The following PPM1E variants were observed in gnomAD, a reference collection of about 807,000 sequenced individuals.
The protein encoded by PPM1E is protein phosphatase, Mg2+/Mn2+ dependent 1E, also known as protein phosphatase 1E.
PPM1E carries 20 observed loss-of-function variants against 65.9 expected under a neutral mutation model. The ratio of observed to expected loss-of-function variants is 0.30; its 90% CI spans 0.21 to 0.44. The LOEUF (loss-of-function observed/expected upper bound fraction) is 0.44, where lower values mean the gene tolerates loss of function less well. Among genes scored for constraint, PPM1E ranks in the 20% least tolerant of loss-of-function variants. PPM1E has a pLI of 1.00. For synonymous variants in PPM1E, 352 were observed against 374.9 expected, an observed-to-expected ratio of 0.94 and a Z score of 0.70; for missense variants, 713 against 953.1, an observed-to-expected ratio of 0.75 and a Z score of 3.32.
At chr17:58,950,522 A>T (rs910915164) in intron 1 of PPM1E, among the ~76,000 whole-genome samples, 3 of 151,950 alleles carry the variant, frequency 2.0e-5, no homozygotes, top group Non-Finnish European at 2.9e-5. Flanking sequence ...TTTCTACACC[A>T]TCTCTCTTTT....
chr17:58,818,198 G>A (rs576589085), intron 1 of PPM1E, among the ~76,000 whole-genome samples: 3 of 152,186 alleles, frequency 2.0e-5, no homozygotes, highest in Non-Finnish European at 2.9e-5. Context: ...CCCATGCTAA[G>A]TAAGCACATT....
At chr17:58,913,424 C>A (rs2051650358) in intron 1 of PPM1E, among the ~76,000 whole-genome samples, 1 of 151,918 alleles carries the variant, frequency 6.6e-6, no homozygotes, top group Non-Finnish European at 1.5e-5. Flanking sequence ...TTTAGATGTA[C>A]AGGAAAGCTG....
chr17:58,829,164 T>C (rs1434206643), intron 1 of PPM1E, among the ~76,000 whole-genome samples: 16 of 152,044 alleles, frequency 1.1e-4, no homozygotes, highest in Admixed American at 1.0e-3. Flanking sequence ...TGCCTCAGTC[T>C]CCTGAGTAGC....
At chr17:58,797,470 G>A (rs2143035785) in intron 1 of PPM1E, among the ~76,000 whole-genome samples, 1 of 152,278 alleles carries the variant, frequency 6.6e-6, no homozygotes, top group South Asian at 2.1e-4. Context: ...GAAGCATATA[G>A]TAGAGACACT....
intron 1 of PPM1E, among the ~76,000 whole-genome samples, chr17:58,889,718 T>G (rs2051323100): frequency 6.6e-6 from 1 of 152,258 alleles, no homozygotes; most frequent in East Asian, 1.9e-4. Flanking sequence ...CCACATCTCC[T>G]TCTGTAAATT....
chr17:58,969,879 C>A, intron 4 of PPM1E, 152 bp downstream of exon 4: 1 of 728,940 alleles, frequency 1.4e-6, no homozygotes, highest in Non-Finnish European at 2.2e-6. Context: ...TGTTGTAGTT[C>A]CAATTCCCTC....
intron 1 of PPM1E, among the ~76,000 whole-genome samples, chr17:58,883,966 T>A (rs1046854161): frequency 6.6e-6 from 1 of 152,174 alleles, no homozygotes. Flanking sequence ...AAAATTCTAA[T>A]CTACTGGGCT....
At chr17:58,826,320 A>C (rs2050536242) in intron 1 of PPM1E, among the ~76,000 whole-genome samples, 1 of 151,526 alleles carries the variant, frequency 6.6e-6, no homozygotes, top group African/African-American at 2.4e-5. Flanking sequence ...AAAAAAAAAA[A>C]AGAAAAGAAA....
At chr17:58,772,810 G>T (rs1164823119) in intron 1 of PPM1E, among the ~76,000 whole-genome samples, 1 of 152,044 alleles carries the variant, frequency 6.6e-6, no homozygotes, top group Non-Finnish European at 1.5e-5. Flanking sequence ...TATTTCTAGG[G>T]AGATACTGGA....
intron 1 of PPM1E, among the ~76,000 whole-genome samples, chr17:58,946,161 C>T (rs2052147799): frequency 6.6e-6 from 1 of 151,824 alleles, no homozygotes; most frequent in Non-Finnish European, 1.5e-5. Context: ...ACAGGAAATT[C>T]CAAGGGATTT....
rs1238678730 is a variant in PPM1E, at chr17:58,980,729, C to G, written c.1966C>G (p.Gln656Glu). The change falls in exon 7 of 7, where the codon CAG becomes GAG. Residue 656 changes from glutamine (Q) to glutamate (E), a missense_variant. Physicochemically the swap from Gln to Glu is conservative, Grantham distance 29 (BLOSUM62 2). Transcript: ENST00000308249. The surrounding 1 kb of genome is among the most constrained non-coding windows in gnomAD (Gnocchi z 4.7). ...SPVCSGLENE[Q>E]FKSPGNRVSR... ...TGTCTGTTCAGGGTTGGAAAATGAA[C>G]AGTTCAAATCCCCGGGAAACAGAGT... 2 of 1,614,158 alleles carry G rather than the reference C, an allele frequency of 1.2e-6. No individual in the cohort carries two copies. Among genetic ancestry groups the G allele is most frequent in the Admixed American group, 3.3e-5 (2 of 60,012 alleles).
chr17:58,944,351 A>G (rs1029526502), intron 1 of PPM1E, among the ~76,000 whole-genome samples: 1 of 152,192 alleles, frequency 6.6e-6, no homozygotes, highest in African/African-American at 2.4e-5. Flanking sequence ...CCACTGCTTC[A>G]CATGACTTGC....
At position 58,980,377 on chromosome 17, in the gene PPM1E, C is replaced by A. The variant is rs774271250; in HGVS notation, c.1614C>A (p.Ala538=). ...CTCAGCACCAGTGCTCAGCACCAGC[C>A]GACCTAGGCTATGATGGGCGTGTGG... ...PWPQHQCSAP[A]DLGYDGRVDS... The change falls in exon 7 of 7, where the codon GCC becomes GCA. Residue 538 remains alanine (A), a synonymous_variant. Coordinates refer to ENST00000308249, the MANE Select transcript of PPM1E (RefSeq NM_014906.5). The surrounding 1 kb of genome is among the most constrained non-coding windows in gnomAD (Gnocchi z 4.7). 3.1e-6 allele frequency: 5 copies of A among 1,614,002 alleles called. No homozygotes were observed. In the African/African-American group the frequency reaches 6.7e-5, roughly 22 times the overall value.
At chr17:58,930,029 G>C (rs1213832473) in intron 1 of PPM1E, among the ~76,000 whole-genome samples, 1 of 151,900 alleles carries the variant, frequency 6.6e-6, no homozygotes, top group African/African-American at 2.4e-5. Context: ...TACTTGTTTT[G>C]TTTACGGTCA....
intron 1 of PPM1E, 100 bp downstream of exon 1, chr17:58,756,561 C>T: frequency 1.7e-6 from 2 of 1,208,934 alleles, no homozygotes; most frequent in African/African-American, 1.6e-5. Flanking sequence ...CTTTTCTGCT[C>T]CTCTCCCCCG....
chr17:58,863,275 C>T (rs1204533869), intron 1 of PPM1E, among the ~76,000 whole-genome samples: 4 of 152,196 alleles, frequency 2.6e-5, no homozygotes, highest in East Asian at 1.9e-4. Flanking sequence ...TTGTGAGACT[C>T]ATGAAGGGGT....
chr17:58,908,461 C>T (rs774692627), intron 1 of PPM1E, among the ~76,000 whole-genome samples: 12 of 148,978 alleles, frequency 8.1e-5, no homozygotes, highest in Non-Finnish European at 1.8e-4. Context: ...TTTTTTAAGG[C>T]GGGGTTTTGC....
intron 1 of PPM1E, among the ~76,000 whole-genome samples, chr17:58,932,051 A>G (rs2051907035): frequency 6.6e-6 from 1 of 152,152 alleles, no homozygotes; most frequent in Admixed American, 6.5e-5. Flanking sequence ...CACAGCAGGA[A>G]GATTACTTGA....
intron 1 of PPM1E, among the ~76,000 whole-genome samples, chr17:58,927,980 A>G (rs1479169334): frequency 6.6e-6 from 1 of 151,928 alleles, no homozygotes; most frequent in Non-Finnish European, 1.5e-5. Context: ...AAATCACTTG[A>G]ACCTGGGAGG....
Sources: gnomAD v4.1 joint callset for allele counts (sites outside exome capture counted in the v4.1 genomes callset) on GRCh38, gnomAD v4.1.1 for gene constraint, Gnocchi (gnomAD v3.1) non-coding constraint, MANE v1.5 for transcripts, NCBI Gene and HGNC (gene_info 2026-07-23, HGNC 2026-07-21) for gene names.